Variants in PHKA1 observed in about 807,000 individuals in gnomAD.
PHKA1 encodes the protein phosphorylase b kinase regulatory subunit alpha, skeletal muscle isoform.
A neutral mutation model predicts 110.2 loss-of-function variants in PHKA1; 60 were observed. The ratio of observed to expected loss-of-function variants is 0.54; its 90% CI spans 0.44 to 0.68. PHKA1 has a LOEUF of 0.68. PHKA1 is among the 30% of genes least tolerant of loss of function. The probability of loss-of-function intolerance (pLI) is 0.00; values close to 1 mark genes in which losing one functional copy is unlikely to be tolerated. For missense variants in PHKA1, 801 were observed against 942.5 expected (o/e 0.85, Z 1.97); for synonymous variants, 316 against 333.6 (o/e 0.95, Z 0.58).
chrX:72,627,991 G>C (rs1190000019), intron 16 of PHKA1, among the ~76,000 whole-genome samples: 3 of 107,923 alleles, frequency 2.8e-5, no homozygotes, highest in Non-Finnish European at 5.8e-5. Context: ...CTAATTTTTT[G>C]TATTTTTTTT....
At chrX:72,692,798 TTC>T (rs1346896693) in intron 4 of PHKA1, among the ~76,000 whole-genome samples, 15 of 111,511 alleles carry the variant, frequency 1.3e-4, no homozygotes, top group African/African-American at 4.9e-4. Flanking sequence ...TTTGTTGATT[TTC>T]TCTATTGTTT....
intron 21 of PHKA1, among the ~76,000 whole-genome samples, chrX:72,614,801 C>T (rs2052866474): frequency 9.0e-6 from 1 of 110,907 alleles, no homozygotes; most frequent in Non-Finnish European, 1.9e-5. Context: ...GACAATGACA[C>T]AATTTCAAGT....
chrX:72,618,807 A>T lies in PHKA1; in HGVS notation c.2272T>A (p.Ser758Thr). The T allele has an allele frequency of 1.7e-6, 2 of 1,200,031 alleles. No homozygotes were observed. Among genetic ancestry groups the T allele is most frequent in the Non-Finnish European group, 2.3e-6 (2 of 885,033 alleles). ...RVEIHLPRDQSGEVDFKALVL... is the reference protein window; with the variant it reads ...RVEIHLPRDQTGEVDFKALVL... ...AGTGCTTTAAAGTCCACCTCCCCAGACTGGTCTCTAGGAAGATGTATTTCT... is the reference window on the plus strand; with the variant it reads ...AGTGCTTTAAAGTCCACCTCCCCAGTCTGGTCTCTAGGAAGATGTATTTCT... The change falls in exon 21 of 32, where the codon TCT becomes ACT. Residue 758 changes from serine (S) to threonine (T), a missense_variant. Transcript: ENST00000373542.
At chrX:72,708,825 G>C (rs782323406) in intron 2 of PHKA1, among the ~76,000 whole-genome samples, 5 of 111,673 alleles carry the variant, frequency 4.5e-5, no homozygotes, top group Non-Finnish European at 7.5e-5. Flanking sequence ...TACATCAAAG[G>C]CTCTGAGAAA....
At chrX:72,671,981 A>G (rs1384346724) in intron 6 of PHKA1, among the ~76,000 whole-genome samples, 2 of 112,222 alleles carry the variant, frequency 1.8e-5, no homozygotes, top group African/African-American at 6.5e-5. Flanking sequence ...AACCATAAAA[A>G]CCCTAGAAGA....
chrX:72,682,934 TAAAAAAAAA>T lies in PHKA1; in HGVS notation c.537+1555_537+1563del, dbSNP rs1164416043. ...AAGAATTATCAATAAAAAAATAAATTAAAAAAAAAAAAAAAAAAAAAAAAGAAAGTTTTT... is the reference window on the plus strand; with the variant it reads ...AAGAATTATCAATAAAAAAATAAATTAAAAAAAAAAAAAAAGAAAGTTTTT... On this transcript the variant is annotated intron_variant, in intron 5 of 31. Coordinates refer to ENST00000373542, the MANE Select transcript of PHKA1 (RefSeq NM_002637.4). Among the ~76,000 whole-genome samples the T allele has an allele frequency of 1.1e-4, 7 of 63,842 alleles. No individual in the cohort carries two copies. The South Asian group carries it at 2.7e-3, about 24-fold the overall frequency. 55.4% of individuals were successfully genotyped at this position (63,842 alleles called of 115,157 possible). A position where few individuals can be genotyped will look rare whatever the true frequency, so the allele number is the denominator to read the frequency against.
intron 3 of PHKA1, among the ~76,000 whole-genome samples, chrX:72,697,764 C>T (rs1432453695): frequency 9.1e-6 from 1 of 109,604 alleles, no homozygotes; most frequent in African/African-American, 3.3e-5. Flanking sequence ...GCGGGTGGAT[C>T]ACGAGGTCAG....
At chrX:72,610,362 A>G (rs2052790448) in intron 22 of PHKA1, among the ~76,000 whole-genome samples, 1 of 111,683 alleles carries the variant, frequency 9.0e-6, no homozygotes, top group Non-Finnish European at 1.9e-5. Context: ...TATGAGTGAG[A>G]ACATGTGGTA....
At position 72,611,033 on chromosome X, in the gene PHKA1, C is replaced by A; in HGVS notation, c.2521G>T (p.Asp841Tyr). 1 of 1,201,673 alleles carries A rather than the reference C, an allele frequency of 8.3e-7. No individual in the cohort carries two copies. The highest frequency in any genetic ancestry group is 1.1e-6 in the Non-Finnish European group (1 of 886,990). ...AATTCAAGAATTTATAGTACCTCAT[C>A]AAGTGCTTCCACTTTCTTCCTTAAG... is the stretch of plus-strand genomic sequence containing the variant. ...GILRKKVEALDEACTDLLSHQ... is the reference protein window; with the variant it reads ...GILRKKVEALYEACTDLLSHQ... The change falls in exon 22 of 32, where the codon GAT becomes TAT. Residue 841 changes from aspartate (D) to tyrosine (Y), a missense_variant. Asp to Tyr is a radical substitution (Grantham distance 160). Coordinates refer to ENST00000373542, the MANE Select transcript of PHKA1 (RefSeq NM_002637.4).
chrX:72,638,164 C>T (rs1410528649), intron 14 of PHKA1, among the ~76,000 whole-genome samples: 3 of 108,799 alleles, frequency 2.8e-5, no homozygotes, highest in Non-Finnish European at 5.7e-5. Context: ...TAAATAAAAC[C>T]ATGTCATGTG....
At chrX:72,673,256 G>A (rs989773883) in intron 6 of PHKA1, among the ~76,000 whole-genome samples, 1 of 111,332 alleles carries the variant, frequency 9.0e-6, no homozygotes, top group Admixed American at 9.5e-5. Flanking sequence ...AGGAGTAATG[G>A]GGCATCATGT....
rs146070734 is a variant in PHKA1, at chrX:72,696,726, T to C, written c.286-850A>G. 3.1e-3 allele frequency among the ~76,000 whole-genome samples: 348 copies of C among 111,889 alleles called. 1 individual carries two copies. The highest frequency in any genetic ancestry group is 0.011 in the African/African-American group (339 of 30,807). Reference sequence around the variant, plus strand: ...CTCAGGACCTCCTGAAGCTGTGTCATGGGCGCATCTTCAACTTTGGCAAAA... The same window carrying C: ...CTCAGGACCTCCTGAAGCTGTGTCACGGGCGCATCTTCAACTTTGGCAAAA... On this transcript the variant is annotated intron_variant, in intron 3 of 31. Coordinates refer to ENST00000373542, the MANE Select transcript of PHKA1 (RefSeq NM_002637.4).
chrX:72,585,580 G>A (rs2147645221), intron 29 of PHKA1, among the ~76,000 whole-genome samples: 1 of 111,841 alleles, frequency 8.9e-6, no homozygotes, highest in East Asian at 2.8e-4. Flanking sequence ...TGGACAGTGG[G>A]TGCAGCCCAC....
At chrX:72,676,682 C>T (rs1201928586) in intron 5 of PHKA1, among the ~76,000 whole-genome samples, 1 of 112,030 alleles carries the variant, frequency 8.9e-6, no homozygotes, top group East Asian at 2.8e-4. Flanking sequence ...TAATAAGTGA[C>T]AGAGCCAGGA....
intron 30 of PHKA1, among the ~76,000 whole-genome samples, chrX:72,583,789 A>G (rs2052372177): frequency 8.9e-6 from 1 of 112,512 alleles, no homozygotes; most frequent in South Asian, 3.7e-4. Flanking sequence ...TAAAAAAAAT[A>G]CAGATGCTCA....
At chrX:72,683,514 CACATATTTAAAGTGT>C (rs1425893506) in intron 5 of PHKA1, among the ~76,000 whole-genome samples, 7 of 111,948 alleles carry the variant, frequency 6.3e-5, no homozygotes, top group Non-Finnish European at 1.1e-4. Context: ...CAAAGAACTG[CACATATTTAAAGTGT>C]ACAACTTGAT....
chrX:72,587,356 T>C (rs1199765797), intron 29 of PHKA1, among the ~76,000 whole-genome samples: 1 of 111,161 alleles, frequency 9.0e-6, no homozygotes, highest in African/African-American at 3.3e-5. Flanking sequence ...GAAGGAGAAA[T>C]AAAATCCTTT....
At chrX:72,649,969 G>A (rs2053408498) in intron 13 of PHKA1, among the ~76,000 whole-genome samples, 1 of 105,450 alleles carries the variant, frequency 9.5e-6, no homozygotes, top group African/African-American at 3.5e-5. Context: ...TCCAGCCTGG[G>A]TGACAGAAAG....
intron 16 of PHKA1, among the ~76,000 whole-genome samples, chrX:72,632,499 C>T (rs1556288910): frequency 9.0e-6 from 1 of 111,679 alleles, no homozygotes; most frequent in East Asian, 2.8e-4. Context: ...TCAGCATTTA[C>T]ATGATATATC....
Sources: allele counts gnomAD v4.1 joint callset (sites outside exome capture counted in the v4.1 genomes callset), GRCh38; gene constraint gnomAD v4.1.1; transcripts MANE v1.5; gene names NCBI Gene and HGNC (gene_info 2026-07-23, HGNC 2026-07-21).